Variants in ZNF487 observed in about 807,000 individuals in gnomAD.
The protein encoded by ZNF487 is zinc finger protein 487, also known as KRAB domain only 1.
A neutral mutation model predicts 3.0 loss-of-function variants in ZNF487; 4 were observed. That is an observed-to-expected ratio of 1.35 (90% CI 0.66 to 3.08). ZNF487 has a LOEUF of 3.08. Ranked by LOEUF, ZNF487 falls within the 30% of genes most tolerant of loss-of-function variation. ZNF487 has a pLI of 0.01. For missense variants in ZNF487, 146 were observed against 98.7 expected (o/e 1.48, Z -2.03); for synonymous variants, 55 against 34.6 (o/e 1.59, Z -2.06).
chr10:43,438,400 G>T (rs1394856619), intron 1 of ZNF487, among the ~76,000 whole-genome samples: 1 of 152,120 alleles, frequency 6.6e-6, no homozygotes, highest in Non-Finnish European at 1.5e-5. Flanking sequence ...TGGCCAGGCT[G>T]GTCTCGAATT....
the ZNF487 span, among the ~76,000 whole-genome samples, chr10:43,519,656 C>T: frequency 5.5e-4 from 84 of 152,140 alleles, no homozygotes; most frequent in East Asian, 0.01. Context: ...TTAGTAGAAA[C>T]GGAGTTTTAC....
At chr10:43,521,857 A>G in the ZNF487 span, among the ~76,000 whole-genome samples, 36 of 151,546 alleles carry the variant, frequency 2.4e-4, no homozygotes, top group African/African-American at 8.2e-4. Flanking sequence ...TATGTAATAT[A>G]TACACACGTA....
chr10:43,490,389 C>T, the ZNF487 span, among the ~76,000 whole-genome samples: 1 of 151,454 alleles, frequency 6.6e-6, no homozygotes, highest in East Asian at 1.9e-4. Flanking sequence ...ATAAATAAAA[C>T]AAACAAACAG....
At chr10:43,513,766 A>T in the ZNF487 span, among the ~76,000 whole-genome samples, 32 of 152,184 alleles carry the variant, frequency 2.1e-4, no homozygotes, top group Admixed American at 2.0e-3. Context: ...CCGGGGACCC[A>T]CTGGACCCAC....
At chr10:43,507,062 T>A in the ZNF487 span, among the ~76,000 whole-genome samples, 7 of 152,118 alleles carry the variant, frequency 4.6e-5, no homozygotes, top group Non-Finnish European at 1.0e-4. Flanking sequence ...ATCTCCAACA[T>A]GAGGATTGTT....
rs1248757424 is a variant in ZNF487 at position 43,437,163 on chromosome 10, C to T, written c.-193C>T. On this transcript the variant is annotated 5_prime_UTR_variant, in exon 1 of 4. Coordinates refer to ENST00000437590, the MANE Select transcript of ZNF487 (RefSeq NM_001355444.3). Reference sequence around the variant, plus strand: ...GAGATGGTCAACAAGCCTGTAAGTTCCTCAGCTACGACTACCAGGTACCTC... The same window carrying T: ...GAGATGGTCAACAAGCCTGTAAGTTTCTCAGCTACGACTACCAGGTACCTC... 8.7e-5 allele frequency: 24 copies of T among 274,982 alleles called. 1 individual carries two copies. The highest frequency in any genetic ancestry group is 3.8e-4 in the South Asian group (14 of 37,082). 17.0% of individuals were successfully genotyped at this position (274,982 alleles called of 1,614,324 possible).
chr10:43,455,307 G>A (rs963400135), intron 1 of ZNF487, among the ~76,000 whole-genome samples: 1 of 152,136 alleles, frequency 6.6e-6, no homozygotes, highest in Non-Finnish European at 1.5e-5. Context: ...CACGGCGCAC[G>A]GCCTAGTTTG....
chr10:43,514,454 A>G, the ZNF487 span, among the ~76,000 whole-genome samples: 2 of 152,174 alleles, frequency 1.3e-5, no homozygotes, highest in Admixed American at 6.5e-5. Context: ...CTCTGTTTTT[A>G]TAATTCAAAT....
At chr10:43,485,415 C>T (rs955485007), downstream of ZNF487, among the ~76,000 whole-genome samples, 7 of 152,164 alleles carry the variant, frequency 4.6e-5, no homozygotes, top group African/African-American at 1.7e-4. Flanking sequence ...ATTTACATTT[C>T]CATAAAGAAA....
chr10:43,501,221 A>G, the ZNF487 span, among the ~76,000 whole-genome samples: 1 of 152,200 alleles, frequency 6.6e-6, no homozygotes, highest in African/African-American at 2.4e-5. Flanking sequence ...ATGAAAAAAA[A>G]TGGTATACCT....
chr10:43,443,709 A>T (rs1167020858), intron 1 of ZNF487, among the ~76,000 whole-genome samples: 1 of 150,890 alleles, frequency 6.6e-6, no homozygotes, highest in Non-Finnish European at 1.5e-5. Flanking sequence ...TTTTGTAGAG[A>T]TGGAGGTCTC....
At chr10:43,445,516 G>C (rs1839764639) in intron 1 of ZNF487, among the ~76,000 whole-genome samples, 1 of 151,954 alleles carries the variant, frequency 6.6e-6, no homozygotes, top group Admixed American at 6.6e-5. Flanking sequence ...TTTGGTTTTT[G>C]TCTTTTCAGG....
At chr10:43,444,295 A>C (rs1839725356) in intron 1 of ZNF487, among the ~76,000 whole-genome samples, 1 of 152,186 alleles carries the variant, frequency 6.6e-6, no homozygotes, top group East Asian at 1.9e-4. Flanking sequence ...TATATGAGGC[A>C]AAAAGAATAC....
the ZNF487 span, among the ~76,000 whole-genome samples, chr10:43,514,935 C>T: frequency 3.3e-5 from 5 of 152,164 alleles, no homozygotes; most frequent in Admixed American, 3.3e-4. Context: ...CTTTGTATCC[C>T]TTCCTCTACG....
intron 1 of ZNF487, among the ~76,000 whole-genome samples, chr10:43,447,034 A>G (rs939988113): frequency 2.7e-4 from 41 of 152,138 alleles, no homozygotes; most frequent in African/African-American, 7.9e-4. Flanking sequence ...TCCACCAAAA[A>G]AAAAACCAGT....
At chr10:43,455,175 A>T (rs1001934011) in intron 1 of ZNF487, among the ~76,000 whole-genome samples, 1 of 150,882 alleles carries the variant, frequency 6.6e-6, no homozygotes, top group Non-Finnish European at 1.5e-5. Context: ...CGCCCGGCCA[A>T]TTTTTTTTGT....
At chr10:43,490,084 C>T in the ZNF487 span, among the ~76,000 whole-genome samples, 4 of 152,178 alleles carry the variant, frequency 2.6e-5, no homozygotes, top group African/African-American at 9.7e-5. Context: ...CGTGGTGGCT[C>T]ATGCCTATAA....
intron 1 of ZNF487, among the ~76,000 whole-genome samples, chr10:43,471,404 G>A (rs1024675237): frequency 1.3e-5 from 2 of 152,192 alleles, no homozygotes; most frequent in African/African-American, 4.8e-5. Flanking sequence ...GCTGTCTGCA[G>A]ACAGCTGTGT....
intron 1 of ZNF487, among the ~76,000 whole-genome samples, chr10:43,455,095 G>A (rs1156976645): frequency 6.8e-6 from 1 of 146,944 alleles, no homozygotes. Context: ...TGCAAGCTCC[G>A]CCTCCCGGGT....
Sources: gnomAD v4.1 joint callset for allele counts (sites outside exome capture counted in the v4.1 genomes callset) on GRCh38, gnomAD v4.1.1 for gene constraint, MANE v1.5 for transcripts, NCBI Gene and HGNC (gene_info 2026-07-23, HGNC 2026-07-21) for gene names.